Variants in HECTD2 observed in about 807,000 individuals in gnomAD.
HECTD2 encodes the protein HECT domain E3 ubiquitin protein ligase 2.
In HECTD2, 35 loss-of-function variants were observed where a neutral mutation model predicts 103.2. That is an observed-to-expected ratio of 0.34 (90% confidence interval 0.26 to 0.45). The LOEUF (loss-of-function observed/expected upper bound fraction) is 0.45, where lower values mean the gene tolerates loss of function less well. Among genes scored for constraint, HECTD2 ranks in the 20% least tolerant of loss-of-function variants. The pLI is 1.00. For synonymous variants in HECTD2, 281 were observed against 329.9 expected, an observed-to-expected ratio of 0.85 and a Z score of 1.61; for missense variants, 596 against 937.4, an observed-to-expected ratio of 0.64 and a Z score of 4.76.
intron 20 of HECTD2, among the ~76,000 whole-genome samples, chr10:91,503,970 C>T (rs939187028): frequency 6.6e-6 from 1 of 152,198 alleles, no homozygotes; most frequent in Non-Finnish European, 1.5e-5. Context: ...TCCCTGACAC[C>T]TGACCCCCGA....
Position 91,491,317 on chromosome 10 carries a change from A to G in HECTD2, c.1299+10A>G, listed in dbSNP as rs934181305. On this transcript the variant is annotated intron_variant, in intron 12 of 20. Transcript: ENST00000298068. Reference sequence around the variant, plus strand: ...CGATTCACTTGATGAGGTATAATTTATTCCAAAATGATATTAATTAAAGCT... The same window carrying G: ...CGATTCACTTGATGAGGTATAATTTGTTCCAAAATGATATTAATTAAAGCT... 8.2e-7 allele frequency: 1 copy of G among 1,218,546 alleles called. No individual in the cohort carries two copies. Among genetic ancestry groups the G allele is most frequent in the East Asian group, 2.5e-5 (1 of 40,314 alleles). The allele number at this position is 1,218,546 out of a possible 1,614,324, so 75.5% of individuals were successfully genotyped here. A position where few individuals can be genotyped will look rare whatever the true frequency, so the allele number is the denominator to read the frequency against.
intron 1 of HECTD2, among the ~76,000 whole-genome samples, chr10:91,422,332 G>T (rs997463037): frequency 1.3e-5 from 2 of 152,186 alleles, no homozygotes; most frequent in Admixed American, 6.6e-5. Flanking sequence ...ATGAAAAAAT[G>T]CCTTCTATGT....
intron 1 of HECTD2, among the ~76,000 whole-genome samples, chr10:91,419,042 A>T (rs1382831211): frequency 1.3e-5 from 2 of 152,160 alleles, no homozygotes; most frequent in African/African-American, 4.8e-5. Context: ...AAACTCTAAG[A>T]TAGTGAGATA....
chr10:91,422,743 A>ATCAC (rs1843406538), intron 1 of HECTD2, among the ~76,000 whole-genome samples: 1 of 152,188 alleles, frequency 6.6e-6, no homozygotes, highest in Non-Finnish European at 1.5e-5. Context: ...GGTATTGTGT[A>ATCAC]TCACTGTCTT....
chr10:91,493,459 T>C lies in HECTD2; in HGVS notation c.1472T>C (p.Phe491Ser). ...CACAAGGATTCACACTGCCATTGGT[T>C]TAGCAGCTTTAAATGTGATAACTAT... ...TYHKDSHCHW[F>S]SSFKCDNYSE... The change falls in exon 14 of 21, where the codon TTT becomes TCT. Residue 491 changes from phenylalanine to serine, a missense_variant. Coordinates refer to ENST00000298068, the MANE Select transcript of HECTD2 (RefSeq NM_182765.6). 1 of 1,560,804 alleles carries C rather than the reference T, an allele frequency of 6.4e-7. No homozygotes were observed. The highest frequency in any genetic ancestry group is 8.6e-7 in the Non-Finnish European group (1 of 1,156,244).
At chr10:91,440,120 A>C (rs550029404) in intron 2 of HECTD2, among the ~76,000 whole-genome samples, 6 of 152,232 alleles carry the variant, frequency 3.9e-5, no homozygotes, top group African/African-American at 1.4e-4. Flanking sequence ...AATATGTTGA[A>C]TAAGAGTAGT....
chr10:91,502,773 G>A (rs1300749984), intron 20 of HECTD2, among the ~76,000 whole-genome samples: 1 of 151,984 alleles, frequency 6.6e-6, no homozygotes, highest in African/African-American at 2.4e-5. Context: ...AGAGTAATCT[G>A]AGCAATCTGT....
intron 2 of HECTD2, among the ~76,000 whole-genome samples, chr10:91,436,375 T>C (rs1012194611): frequency 2.6e-5 from 4 of 152,060 alleles, no homozygotes; most frequent in Admixed American, 6.6e-5. Flanking sequence ...CCTAATCAGA[T>C]TCCCCACGAA....
At chr10:91,441,897 T>C (rs574097229) in intron 2 of HECTD2, among the ~76,000 whole-genome samples, 3 of 135,898 alleles carry the variant, frequency 2.2e-5, no homozygotes, top group Non-Finnish European at 4.5e-5. Context: ...TTTTTTTTTT[T>C]TTTTTTTTTT....
At chr10:91,416,439 T>C (rs540933798) in intron 1 of HECTD2, among the ~76,000 whole-genome samples, 1 of 152,344 alleles carries the variant, frequency 6.6e-6, no homozygotes, top group Non-Finnish European at 1.5e-5. Flanking sequence ...TAGATATGTT[T>C]AGATGCATAC....
intron 18 of HECTD2, among the ~76,000 whole-genome samples, chr10:91,499,570 TGCC>T (rs1846812844): frequency 6.6e-6 from 1 of 152,176 alleles, no homozygotes; most frequent in African/African-American, 2.4e-5. Flanking sequence ...AACTCTGCAT[TGCC>T]TTTTACCCTT....
At chr10:91,419,751 G>T (rs912750160) in intron 1 of HECTD2, among the ~76,000 whole-genome samples, 10 of 151,884 alleles carry the variant, frequency 6.6e-5, no homozygotes, top group Non-Finnish European at 1.3e-4. Context: ...TTCTCTATTT[G>T]TACTTATCTT....
At chr10:91,455,690 G>A (rs1215114815) in intron 2 of HECTD2, among the ~76,000 whole-genome samples, 1 of 152,124 alleles carries the variant, frequency 6.6e-6, no homozygotes, top group Non-Finnish European at 1.5e-5. Context: ...TTCTTCTAGG[G>A]TTTTTATGGT....
At position 91,481,113 on chromosome 10, in the gene HECTD2, C is replaced by A; in HGVS notation, c.685C>A (p.Leu229Ile). The A allele has an allele frequency of 1.3e-6, 2 of 1,528,040 alleles. No individual in the cohort carries two copies. The highest frequency in any genetic ancestry group is 1.8e-6 in the Non-Finnish European group (2 of 1,119,760). 94.7% of individuals were successfully genotyped at this position (1,528,040 alleles called of 1,614,324 possible). A position where few individuals can be genotyped will look rare whatever the true frequency, so the allele number is the denominator to read the frequency against. Residue 229 changes from leucine (L) to isoleucine (I), a missense_variant, in exon 7 of 21, where the codon CTT (leucine) becomes ATT (isoleucine). By Grantham distance (5) the Leu-to-Ile change is conservative (BLOSUM62 2). Coordinates refer to ENST00000298068, the MANE Select transcript of HECTD2 (RefSeq NM_182765.6). The part of the protein sequence containing the change: ...EWKGPRTKDD[L>I]RAYFILLQNP... ...TTTCAGTCCACGAACAAAAGATGAT[C>A]TTAGAGCATATTTTATACTTTTACA...
chr10:91,507,985 G>C (rs1393055242), intron 20 of HECTD2, among the ~76,000 whole-genome samples: 11 of 137,014 alleles, frequency 8.0e-5, no homozygotes, highest in Admixed American at 2.0e-4. Flanking sequence ...ACAACTATCT[G>C]ATCTTTGACA....
At chr10:91,486,661 T>C (rs1210118934) in intron 10 of HECTD2, 1 of 152,184 alleles carries the variant, frequency 6.6e-6, no homozygotes, top group Admixed American at 6.6e-5. Flanking sequence ...AAGGGAAAGG[T>C]TGAGAACCCC....
At chr10:91,422,598 ATT>A (rs1843400765) in intron 1 of HECTD2, among the ~76,000 whole-genome samples, 1 of 152,136 alleles carries the variant, frequency 6.6e-6, no homozygotes, top group South Asian at 2.1e-4. Context: ...ATAAGGAATG[ATT>A]TACTTTTTCA....
intron 2 of HECTD2, among the ~76,000 whole-genome samples, chr10:91,441,856 T>C (rs914667242): frequency 3.5e-4 from 51 of 145,588 alleles, no homozygotes; most frequent in Non-Finnish European, 6.3e-4. Flanking sequence ...TTAAAGTCTG[T>C]TTCATCAGAG....
At chr10:91,458,591 A>G (rs2133193048) in intron 2 of HECTD2, among the ~76,000 whole-genome samples, 1 of 152,160 alleles carries the variant, frequency 6.6e-6, no homozygotes, top group Admixed American at 6.6e-5. Context: ...TTGATGGCAT[A>G]TGCCCAGTTG....
Sources: gnomAD v4.1 joint callset for allele counts (sites outside exome capture counted in the v4.1 genomes callset) on GRCh38, gnomAD v4.1.1 for gene constraint, MANE v1.5 for transcripts, NCBI Gene and HGNC (gene_info 2026-07-23, HGNC 2026-07-21) for gene names.